PTGER4: variants seen among roughly 807,000 people sequenced by gnomAD.
The protein encoded by PTGER4 is prostaglandin E receptor 4, also known as prostaglandin E2 receptor EP4 subtype.
PTGER4 carries 11 observed loss-of-function variants against 33.2 expected under a neutral mutation model. The observed-to-expected ratio is 0.33, with a 90% CI of 0.21 to 0.55. PTGER4 has a LOEUF of 0.55. Ranked by LOEUF, PTGER4 falls within the 20% of genes least tolerant of loss-of-function variation. The pLI, the probability that PTGER4 is intolerant of heterozygous loss-of-function variation, is 0.92. For synonymous variants in PTGER4, 275 were observed against 281.5 expected (o/e 0.98, Z 0.23); for missense variants, 481 against 650.2 (o/e 0.74, Z 2.83).
At chr5:40,700,554 T>C in the PTGER4 span, among the ~76,000 whole-genome samples, 3 of 152,240 alleles carry the variant, frequency 2.0e-5, no homozygotes, top group African/African-American at 7.2e-5. Context: ...AACCCCTGGC[T>C]TGGGCTGACT....
At chr5:40,716,452 G>C in the PTGER4 span, 1 of 1,613,310 alleles carries the variant, frequency 6.2e-7, no homozygotes, top group Non-Finnish European at 8.5e-7. Flanking sequence ...CCATATTTCA[G>C]GGTTCATTGG....
At chr5:40,719,500 CT>C in the PTGER4 span, among the ~76,000 whole-genome samples, 1 of 152,144 alleles carries the variant, frequency 6.6e-6, no homozygotes, top group Non-Finnish European at 1.5e-5. Flanking sequence ...TTAAATGCTG[CT>C]GCTATGAAGG....
At chr5:40,722,602 C>G in the PTGER4 span, among the ~76,000 whole-genome samples, 3 of 152,014 alleles carry the variant, frequency 2.0e-5, no homozygotes, top group African/African-American at 7.2e-5. Flanking sequence ...GCCGCCCCGT[C>G]TGAGAAGTGA....
the PTGER4 span, among the ~76,000 whole-genome samples, chr5:40,708,740 T>A: frequency 6.6e-6 from 1 of 152,178 alleles, no homozygotes. Context: ...AAAAGAGAAT[T>A]TTAGACCAAT....
At chr5:40,695,835 C>A (rs1017967090), downstream of PTGER4, among the ~76,000 whole-genome samples, 10 of 152,126 alleles carry the variant, frequency 6.6e-5, no homozygotes, top group Admixed American at 4.6e-4. Flanking sequence ...AAACAGAAAA[C>A]CAAATACTGC....
the PTGER4 span, among the ~76,000 whole-genome samples, chr5:40,735,084 G>A: frequency 6.6e-6 from 1 of 152,202 alleles, no homozygotes; most frequent in Non-Finnish European, 1.5e-5. Flanking sequence ...TTGTGGAAAG[G>A]AAATAAAACC....
chr5:40,730,393 G>A, the PTGER4 span: 1 of 1,512,802 alleles, frequency 6.6e-7, no homozygotes. Flanking sequence ...ATGCTTTTTT[G>A]GACTTTCAAA....
downstream of PTGER4, among the ~76,000 whole-genome samples, chr5:40,698,675 T>C (rs1361212194): frequency 2.0e-5 from 3 of 152,182 alleles, no homozygotes; most frequent in African/African-American, 7.2e-5. Flanking sequence ...TCTCAATGCA[T>C]TACTTTATGA....
chr5:40,704,637 T>C, the PTGER4 span, among the ~76,000 whole-genome samples: 3 of 152,298 alleles, frequency 2.0e-5, no homozygotes, highest in South Asian at 2.1e-4. Context: ...AGTTGCAGGA[T>C]ACAAAATCAT....
chr5:40,717,663 T>G, the PTGER4 span, among the ~76,000 whole-genome samples: 1 of 152,246 alleles, frequency 6.6e-6, no homozygotes, highest in Non-Finnish European at 1.5e-5. Flanking sequence ...GGGGTAAAAC[T>G]GCCCTCCAAG....
chr5:40,685,533 G>A (rs1231430241), intron 2 of PTGER4: 11 of 934,016 alleles, frequency 1.2e-5, no homozygotes, highest in Non-Finnish European at 1.4e-5. Flanking sequence ...AATAAATTTG[G>A]CTAAGTTTAA....
Position 40,681,476 on chromosome 5 carries a change from G to A in PTGER4, c.483G>A (p.Ser161=). Residue 161 remains serine, a synonymous_variant, in exon 2 of 3, where the codon TCG becomes TCA. Coordinates refer to ENST00000302472, the MANE Select transcript of PTGER4 (RefSeq NM_000958.3). The surrounding 1 kb of genome is among the most constrained non-coding windows in gnomAD (Gnocchi z 9.8). ...TGCCCAACATGGGTCTCGGTAGCTC[G>A]CGGCTGCAGTACCCAGACACCTGGT... ...CALPNMGLGS[S]RLQYPDTWCF... is the part of the protein sequence containing the mutation. The A allele has an allele frequency of 1.2e-6, 2 of 1,613,528 alleles. No individual in the cohort carries two copies. Among genetic ancestry groups the A allele is most frequent in the East Asian group, 4.5e-5 (2 of 44,880 alleles).
the PTGER4 span, among the ~76,000 whole-genome samples, chr5:40,704,972 T>A: frequency 3.0e-3 from 455 of 152,082 alleles, 1 homozygote; most frequent in African/African-American, 0.011. Flanking sequence ...TAGAAAAAAA[T>A]TTTTTTTAAT....
In PTGER4 at chr5:40,680,613, T is replaced by C. The variant is rs1158885422; in HGVS notation, c.-44+135T>C. On this transcript the variant is annotated intron_variant, in intron 1 of 2. Coordinates refer to ENST00000302472, the MANE Select transcript of PTGER4 (RefSeq NM_000958.3). The surrounding 1 kb of genome is among the most constrained non-coding windows in gnomAD (Gnocchi z 5.5). Reference sequence around the variant, plus strand: ...TAACTTGTTTTCAGTGAGCATTTTATTGATTCAGAATCTATCGAGAATAGC... The same window carrying C: ...TAACTTGTTTTCAGTGAGCATTTTACTGATTCAGAATCTATCGAGAATAGC... The C allele has an allele frequency of 5.6e-6, 1 of 178,372 alleles. No individual in the cohort carries two copies. Among genetic ancestry groups the C allele is most frequent in the Non-Finnish European group, 1.2e-5 (1 of 84,936 alleles). 11.0% of individuals were successfully genotyped at this position (178,372 alleles called of 1,614,324 possible).
the PTGER4 span, among the ~76,000 whole-genome samples, chr5:40,731,087 T>C: frequency 6.6e-6 from 1 of 152,244 alleles, no homozygotes; most frequent in African/African-American, 2.4e-5. Flanking sequence ...CCAAATGTTA[T>C]TGTAGATGTG....
rs188541458 is a variant in PTGER4 at position 40,691,982 on chromosome 5, G to T, written c.1071G>T (p.Glu357Asp). ...GCCGCATTGGCGGGTCCCGCAGGGAGCGCTCCGGACAGCACTGCTCAGACA... is the reference window on the plus strand; with the variant it reads ...GCCGCATTGGCGGGTCCCGCAGGGATCGCTCCGGACAGCACTGCTCAGACA... Reference protein sequence around the residue: ...LFCRIGGSRRERSGQHCSDSQ... With the variant: ...LFCRIGGSRRDRSGQHCSDSQ... The change falls in exon 3 of 3, where the codon GAG (glutamate) becomes GAT (aspartate). Residue 357 changes from glutamate to aspartate, a missense_variant. Glu to Asp is a conservative substitution (Grantham distance 45). Transcript: ENST00000302472. This position sits in a 1 kb window ranked among gnomAD's most constrained non-coding sequence, Gnocchi z 4.2. 18 of 1,614,132 alleles carry T rather than the reference G, an allele frequency of 1.1e-5. No individual in the cohort carries two copies. In the East Asian group the frequency reaches 4.0e-4, roughly 36 times the overall value.
At chr5:40,711,025 A>G in the PTGER4 span, among the ~76,000 whole-genome samples, 221 of 152,268 alleles carry the variant, frequency 1.5e-3, no homozygotes, top group Non-Finnish European at 1.1e-3. Context: ...ATGTATACAT[A>G]TGTAACAAAC....
the PTGER4 span, chr5:40,715,837 T>C: frequency 5.0e-5 from 12 of 242,288 alleles, no homozygotes; most frequent in East Asian, 8.2e-5. Flanking sequence ...TTATTCACTA[T>C]TCAAGAATAC....
At position 40,683,843 on chromosome 5, in the gene PTGER4, G is replaced by T. The variant is rs1351212185; in HGVS notation, c.867+1983G>T. On this transcript the variant is annotated intron_variant, in intron 2 of 2. Coordinates refer to ENST00000302472, the MANE Select transcript of PTGER4 (RefSeq NM_000958.3). The surrounding 1 kb of genome is among the most constrained non-coding windows in gnomAD (Gnocchi z 4.2). ...ATTATAGGAGCTGTATTTGTGGTTT[G>T]CAGATTAACCACATTTTAACTAACA... 6.6e-6 allele frequency among the ~76,000 whole-genome samples: 1 copy of T among 152,184 alleles called. No homozygotes were observed. The highest frequency in any genetic ancestry group is 2.4e-5 in the African/African-American group (1 of 41,432).
Sources: gnomAD v4.1 joint callset for allele counts (sites outside exome capture counted in the v4.1 genomes callset) on GRCh38, gnomAD v4.1.1 for gene constraint, Gnocchi (gnomAD v3.1) non-coding constraint, MANE v1.5 for transcripts, NCBI Gene and HGNC (gene_info 2026-07-23, HGNC 2026-07-21) for gene names.